Variants in GNA14 observed in about 807,000 individuals in gnomAD.
GNA14 encodes the protein G protein subunit alpha 14.
Under a neutral mutation model 42.0 loss-of-function variants are expected in GNA14, and 50 were observed. That is an observed-to-expected ratio of 1.19 (90% CI 0.95 to 1.51). The LOEUF (loss-of-function observed/expected upper bound fraction) is 1.51, where lower values mean the gene tolerates loss of function less well. GNA14 is among the 40% of genes most tolerant of loss of function. The pLI is 0.00. For missense variants in GNA14, 473 were observed against 446.2 expected, an observed-to-expected ratio of 1.06 and a Z score of -0.54; for synonymous variants, 173 against 163.1, an observed-to-expected ratio of 1.06 and a Z score of -0.46.
At chr9:77,427,584 T>C (rs1174702715) in intron 5 of GNA14, among the ~76,000 whole-genome samples, 1 of 124,636 alleles carries the variant, frequency 8.0e-6, no homozygotes, top group East Asian at 2.0e-4. Flanking sequence ...GAGGTCTTAA[T>C]GCAAGTTCAG....
intron 1 of GNA14, among the ~76,000 whole-genome samples, chr9:77,630,716 T>G (rs981052078): frequency 1.3e-5 from 2 of 152,202 alleles, no homozygotes; most frequent in Non-Finnish European, 1.5e-5. Flanking sequence ...ACTAGTTTTT[T>G]TTAGCTTATA....
At chr9:77,642,277 G>T (rs1200284927) in intron 1 of GNA14, among the ~76,000 whole-genome samples, 1 of 152,176 alleles carries the variant, frequency 6.6e-6, no homozygotes, top group Non-Finnish European at 1.5e-5. Flanking sequence ...TTTGCCTCTT[G>T]AAAGGCCTCA....
intron 1 of GNA14, among the ~76,000 whole-genome samples, chr9:77,643,640 G>T (rs1173062043): frequency 6.6e-6 from 1 of 152,136 alleles, no homozygotes; most frequent in Non-Finnish European, 1.5e-5. Context: ...ATGGGATTTT[G>T]TTATAACCAA....
intron 1 of GNA14, among the ~76,000 whole-genome samples, chr9:77,600,077 G>C (rs1823532861): frequency 1.3e-5 from 2 of 151,018 alleles, no homozygotes; most frequent in Admixed American, 1.3e-4. Context: ...ATTTTTGTTT[G>C]TCAACTAAAA....
chr9:77,432,488 T>A (rs1391773406), intron 3 of GNA14, among the ~76,000 whole-genome samples: 1 of 152,170 alleles, frequency 6.6e-6, no homozygotes, highest in Non-Finnish European at 1.5e-5. Context: ...AGAGCACTGG[T>A]TGTATAATAC....
chr9:77,607,295 G>A (rs1318255086), intron 1 of GNA14, among the ~76,000 whole-genome samples: 2 of 152,156 alleles, frequency 1.3e-5, no homozygotes, highest in African/African-American at 4.8e-5. Context: ...GACATGCTGA[G>A]AAGGCATATG....
chr9:77,623,034 G>C (rs1172885182), intron 1 of GNA14, among the ~76,000 whole-genome samples: 2 of 151,040 alleles, frequency 1.3e-5, no homozygotes. Context: ...GGCCAACATG[G>C]TGAAACCCTG....
chr9:77,484,040 T>C (rs1204262868), intron 2 of GNA14, among the ~76,000 whole-genome samples: 1 of 152,154 alleles, frequency 6.6e-6, no homozygotes, highest in Non-Finnish European at 1.5e-5. Flanking sequence ...TACAAAACAA[T>C]TTCTCTCCCA....
At chr9:77,455,540 A>G (rs1835983306) in intron 2 of GNA14, among the ~76,000 whole-genome samples, 1 of 152,180 alleles carries the variant, frequency 6.6e-6, no homozygotes, top group Admixed American at 6.5e-5. Context: ...TGCCCAGCAC[A>G]TGGTCTTGTT....
chr9:77,495,266 CA>C lies in GNA14; in HGVS notation c.309+33802del, dbSNP rs35070183. Reference sequence around the variant, plus strand: ...TTGTGGGGGAAAAAACCTCTTTTTCCAAAAAAAAAAGCCCTGAAATGTAGCT... The same window carrying C: ...TTGTGGGGGAAAAAACCTCTTTTTCCAAAAAAAAAGCCCTGAAATGTAGCT... On this transcript the variant is annotated intron_variant, in intron 2 of 6. Transcript: ENST00000341700. Among the ~76,000 whole-genome samples, 450 of 142,888 alleles carry C rather than the reference CA, an allele frequency of 3.1e-3. 13 individuals are homozygous for C. In the East Asian group the frequency reaches 0.075, roughly 24 times the overall value. 93.7% of individuals were successfully genotyped at this position (142,888 alleles called of 152,430 possible). A position where few individuals can be genotyped will look rare whatever the true frequency, so the allele number is the denominator to read the frequency against.
intron 1 of GNA14, among the ~76,000 whole-genome samples, chr9:77,590,332 G>A (rs954946975): frequency 7.9e-5 from 12 of 152,194 alleles, no homozygotes; most frequent in Non-Finnish European, 1.5e-5. Flanking sequence ...TTGCACTGAA[G>A]GGGACTGATG....
At chr9:77,512,049 G>A (rs1454278868) in intron 2 of GNA14, among the ~76,000 whole-genome samples, 1 of 152,136 alleles carries the variant, frequency 6.6e-6, no homozygotes. Flanking sequence ...ATGGCTCGAG[G>A]TGACAGAGCC....
chr9:77,636,892 G>A (rs998266495), intron 1 of GNA14, among the ~76,000 whole-genome samples: 23 of 152,160 alleles, frequency 1.5e-4, no homozygotes, highest in Non-Finnish European at 2.5e-4. Context: ...AATTTTCAAC[G>A]AGAAGACTGA....
chr9:77,578,344 TGC>T lies in GNA14; in HGVS notation c.125-49093_125-49092del, dbSNP rs1345783224. Among the ~76,000 whole-genome samples the T allele has an allele frequency of 1.8e-4, 28 of 152,216 alleles. 1 individual carries two copies. The highest frequency in any genetic ancestry group is 1.0e-3 in the Admixed American group (16 of 15,276). The stretch of plus-strand genomic sequence containing the variant: ...CCTTTTATCTGAGGATCATTGGGCC[TGC>T]CCTGCATCAGTGGCCCTGTGATTTC... On this transcript the variant is annotated intron_variant, in intron 1 of 6. Transcript: ENST00000341700.
intron 1 of GNA14, among the ~76,000 whole-genome samples, chr9:77,538,268 T>A (rs1474776696): frequency 6.6e-6 from 1 of 152,092 alleles, no homozygotes; most frequent in Admixed American, 6.5e-5. Context: ...GAGACAGCAT[T>A]TCACTGTGTT....
At chr9:77,574,198 G>T (rs1482027397) in intron 1 of GNA14, among the ~76,000 whole-genome samples, 1 of 152,136 alleles carries the variant, frequency 6.6e-6, no homozygotes, top group Non-Finnish European at 1.5e-5. Context: ...GAGGCAAGCT[G>T]CCACTGAATA....
intron 1 of GNA14, among the ~76,000 whole-genome samples, chr9:77,631,708 G>A (rs1017713252): frequency 6.6e-6 from 1 of 151,706 alleles, no homozygotes; most frequent in Non-Finnish European, 1.5e-5. Context: ...TCAATTTAAA[G>A]TGTTATCTTC....
At chr9:77,538,095 A>T (rs4744834) in intron 1 of GNA14, among the ~76,000 whole-genome samples, 1 of 148,774 alleles carries the variant, frequency 6.7e-6, no homozygotes, top group African/African-American at 2.5e-5. Context: ...TAAAGAGACA[A>T]GGTTTCATTC....
At chr9:77,589,313 A>G (rs1823352824) in intron 1 of GNA14, among the ~76,000 whole-genome samples, 1 of 152,214 alleles carries the variant, frequency 6.6e-6, no homozygotes, top group Non-Finnish European at 1.5e-5. Context: ...TTCTGCGTCA[A>G]CCAAACTGTC....
Sources: gnomAD v4.1 joint callset for allele counts (sites outside exome capture counted in the v4.1 genomes callset) on GRCh38, gnomAD v4.1.1 for gene constraint, MANE v1.5 for transcripts, NCBI Gene and HGNC (gene_info 2026-07-23, HGNC 2026-07-21) for gene names.